Variants in MEMO1 observed in about 807,000 individuals in gnomAD.
The protein encoded by MEMO1 is mediator of cell motility 1.
In MEMO1, 6 loss-of-function variants were observed where a neutral mutation model predicts 45.2. The observed-to-expected ratio is 0.13, with a 90% CI of 0.07 to 0.26. MEMO1 has a LOEUF of 0.26. Among genes scored for constraint, MEMO1 ranks in the 10% least tolerant of loss-of-function variants. MEMO1 has a pLI of 1.00. For synonymous variants in MEMO1, 78 were observed against 124.3 expected, an observed-to-expected ratio of 0.63 and a Z score of 2.48; for missense variants, 184 against 370.5, an observed-to-expected ratio of 0.50 and a Z score of 4.13.
chr2:31,955,986 T>C (rs763470099), intron 2 of MEMO1, among the ~76,000 whole-genome samples: 5 of 152,128 alleles, frequency 3.3e-5, no homozygotes, highest in Non-Finnish European at 7.3e-5. Context: ...AAAAACACCA[T>C]GTTTACCGTC....
chr2:31,969,578 T>TGG (rs1558541917), intron 2 of MEMO1, among the ~76,000 whole-genome samples: 1 of 102,088 alleles, frequency 9.8e-6, no homozygotes, highest in Non-Finnish European at 2.0e-5. Context: ...TCTGGGGGTG[T>TGG]GTGTGTGGGT....
intron 2 of MEMO1, among the ~76,000 whole-genome samples, chr2:31,957,797 CA>C (rs1438287148): frequency 6.6e-6 from 1 of 152,214 alleles, no homozygotes; most frequent in Admixed American, 6.5e-5. Context: ...CTGACTTCGT[CA>C]GCATTTACAG....
chr2:31,875,847 C>T (rs545736547), intron 8 of MEMO1, among the ~76,000 whole-genome samples: 5 of 151,874 alleles, frequency 3.3e-5, no homozygotes, highest in Admixed American at 1.3e-4. Flanking sequence ...CCACCATGCC[C>T]GACTAATTTT....
intron 2 of MEMO1, among the ~76,000 whole-genome samples, chr2:31,978,883 AT>A (rs1400285521): frequency 6.6e-6 from 1 of 151,968 alleles, no homozygotes; most frequent in Non-Finnish European, 1.5e-5. Context: ...ATGTCTCAAA[AT>A]TTTTTTCATA....
chr2:31,903,235 T>C (rs1679130612), intron 6 of MEMO1, among the ~76,000 whole-genome samples: 1 of 152,196 alleles, frequency 6.6e-6, no homozygotes, highest in Non-Finnish European at 1.5e-5. Context: ...CTAATGAGTC[T>C]AGAAGCAGTC....
In MEMO1 at chr2:31,869,954, T is replaced by TA. The variant is rs76850690; in HGVS notation, c.658-3dup. ...TAATTGTTCTATAATACTCATACCC[T>TA]AAAAAAAAAAAAAAAGAAGAGGAAG... On this transcript the variant is annotated splice_region_variant and splice_polypyrimidine_tract_variant and intron_variant, in intron 8 of 9. Transcript: ENST00000404530. 0.075 allele frequency: 84,844 copies of TA among 1,135,994 alleles called. 22 individuals are homozygous for TA. Among genetic ancestry groups the TA allele is most frequent in the Non-Finnish European group, 0.078 (68,338 of 880,878 alleles). The allele number at this position is 1,135,994 out of a possible 1,614,324, so 70.4% of individuals were successfully genotyped here. A position where few individuals can be genotyped will look rare whatever the true frequency, so the allele number is the denominator to read the frequency against.
intron 6 of MEMO1, among the ~76,000 whole-genome samples, chr2:31,913,740 TG>T (rs1169574753): frequency 3.4e-4 from 52 of 152,234 alleles, no homozygotes; most frequent in Non-Finnish European, 1.5e-5. Context: ...GAAAACATTA[TG>T]GAACTACCAT....
At chr2:31,915,254 G>T (rs1681257620) in intron 6 of MEMO1, among the ~76,000 whole-genome samples, 1 of 152,144 alleles carries the variant, frequency 6.6e-6, no homozygotes, top group South Asian at 2.1e-4. Context: ...TAAGATTTCT[G>T]AACATCCTGG....
chr2:31,978,480 C>T (rs1670267232), intron 2 of MEMO1, among the ~76,000 whole-genome samples: 1 of 152,210 alleles, frequency 6.6e-6, no homozygotes. Context: ...AAAGAGAATC[C>T]AGAAACTCAT....
chr2:31,983,714 G>A (rs749271616), intron 2 of MEMO1, among the ~76,000 whole-genome samples: 12 of 152,234 alleles, frequency 7.9e-5, no homozygotes, highest in South Asian at 2.1e-4. Flanking sequence ...GATTACAGGC[G>A]TGAGCCACCG....
intron 3 of MEMO1, among the ~76,000 whole-genome samples, chr2:31,935,934 A>C (rs935990092): frequency 6.6e-6 from 1 of 151,976 alleles, no homozygotes; most frequent in Non-Finnish European, 1.5e-5. Flanking sequence ...AGTGTGTCCC[A>C]TTTAGTATTT....
At chr2:31,995,168 T>C (rs1259837691) in intron 2 of MEMO1, among the ~76,000 whole-genome samples, 5 of 151,796 alleles carry the variant, frequency 3.3e-5, no homozygotes, top group Admixed American at 6.6e-5. Flanking sequence ...AATAAGAGAA[T>C]TGGCCAGGGA....
intron 2 of MEMO1, among the ~76,000 whole-genome samples, chr2:31,987,660 T>C (rs923367116): frequency 2.6e-5 from 4 of 152,166 alleles, no homozygotes; most frequent in Admixed American, 1.3e-4. Flanking sequence ...GTGTTGAAAA[T>C]ACAAAGATTA....
chr2:32,009,411 C>A (rs1403162004), intron 2 of MEMO1, among the ~76,000 whole-genome samples: 1 of 152,100 alleles, frequency 6.6e-6, no homozygotes, highest in African/African-American at 2.4e-5. Flanking sequence ...CACCCCAGCC[C>A]CAACATACAA....
chr2:31,914,257 G>A (rs375270684), intron 6 of MEMO1, among the ~76,000 whole-genome samples: 22 of 152,128 alleles, frequency 1.4e-4, no homozygotes, highest in Admixed American at 2.6e-4. Context: ...CTATAGAATC[G>A]TAAGTGAAAA....
chr2:31,959,793 T>C (rs1481471746), intron 2 of MEMO1, among the ~76,000 whole-genome samples: 1 of 152,118 alleles, frequency 6.6e-6, no homozygotes, highest in African/African-American at 2.4e-5. Flanking sequence ...GTATTTTTTA[T>C]ACCTCACAAC....
intron 6 of MEMO1, among the ~76,000 whole-genome samples, chr2:31,912,471 C>CT (rs1680715555): frequency 6.7e-6 from 1 of 148,976 alleles, no homozygotes; most frequent in Non-Finnish European, 1.5e-5. Flanking sequence ...TGAGATCATG[C>CT]CATTGCACTC....
intron 2 of MEMO1, among the ~76,000 whole-genome samples, chr2:32,001,626 C>T (rs985770102): frequency 2.0e-5 from 3 of 151,886 alleles, no homozygotes; most frequent in Non-Finnish European, 4.4e-5. Context: ...TTACCAGTTA[C>T]GACTCATACA....
intron 6 of MEMO1, among the ~76,000 whole-genome samples, chr2:31,913,301 AT>A (rs1482279792): frequency 2.0e-5 from 3 of 151,110 alleles, no homozygotes; most frequent in Non-Finnish European, 2.9e-5. Context: ...TTAGACATCT[AT>A]TTTTTAAAAA....
Sources: allele counts gnomAD v4.1 joint callset (sites outside exome capture counted in the v4.1 genomes callset), GRCh38; gene constraint gnomAD v4.1.1; transcripts MANE v1.5; gene names NCBI Gene and HGNC (gene_info 2026-07-23, HGNC 2026-07-21).